Variants in C1orf21 observed in about 807,000 individuals in gnomAD.
C1orf21 encodes uncharacterized protein C1orf21.
Under a neutral mutation model 18.7 loss-of-function variants are expected in C1orf21, and 3 were observed. That is an observed-to-expected ratio of 0.16 (90% CI 0.07 to 0.42). The LOEUF (loss-of-function observed/expected upper bound fraction) is 0.42. Among genes scored for constraint, C1orf21 ranks in the 10% least tolerant of loss-of-function variants. C1orf21 has a pLI of 0.99. For missense variants in C1orf21, 104 were observed against 143.6 expected (o/e 0.72, Z 1.41); for synonymous variants, 41 against 46.4 (o/e 0.88, Z 0.47).
Position 184,557,230 on chromosome 1 carries a change from TTG to T in C1orf21, c.190-33503_190-33502del, listed in dbSNP as rs199877615. Among the ~76,000 whole-genome samples the T allele has an allele frequency of 9.6e-3, 1,465 of 152,260 alleles. 12 individuals carry two copies. The highest frequency in any genetic ancestry group is 0.017 in the Middle Eastern group (5 of 294). ...GTTTAGTTAGCCTGAGAAGCTCAAT[TTG>T]TGTGTATGTGTGTTTTTTTCTTTTT... is the stretch of plus-strand genomic sequence containing the variant. On this transcript the variant is annotated intron_variant, in intron 3 of 5. Transcript: ENST00000235307.
At chr1:184,452,131 T>C (rs1162473877) in intron 1 of C1orf21, among the ~76,000 whole-genome samples, 6 of 152,296 alleles carry the variant, frequency 3.9e-5, no homozygotes, top group South Asian at 2.1e-4. Context: ...CCATGTGCAA[T>C]GTAGAAGTAT....
chr1:184,457,635 C>T lies in C1orf21; in HGVS notation c.-124-19751C>T, dbSNP rs561233709. ...TTTTCCAGACTATTCTGGGCTTTTG[C>T]ATCTGCTCCTGGCTCTTTGGTGCCT... is the stretch of plus-strand genomic sequence containing the variant. On this transcript the variant is annotated intron_variant, in intron 1 of 5. Coordinates refer to ENST00000235307, the MANE Select transcript of C1orf21 (RefSeq NM_030806.4). Among the ~76,000 whole-genome samples the T allele has an allele frequency of 8.5e-5, 13 of 152,268 alleles. No homozygotes were observed. In the South Asian group the frequency reaches 2.5e-3, roughly 29 times the overall value.
chr1:184,569,849 C>T (rs368909636), intron 3 of C1orf21, among the ~76,000 whole-genome samples: 7 of 152,204 alleles, frequency 4.6e-5, no homozygotes, highest in Non-Finnish European at 8.8e-5. Flanking sequence ...AGGAAGAGGT[C>T]ACTGTGCTGT....
intron 1 of C1orf21, among the ~76,000 whole-genome samples, chr1:184,406,101 G>C (rs1043391994): frequency 3.3e-5 from 5 of 152,260 alleles, no homozygotes; most frequent in African/African-American, 1.2e-4. Context: ...ATGATCCTCT[G>C]TGTGAAGATA....
At chr1:184,581,456 G>A (rs750382051) in intron 3 of C1orf21, among the ~76,000 whole-genome samples, 34 of 151,712 alleles carry the variant, frequency 2.2e-4, no homozygotes, top group Non-Finnish European at 4.4e-4. Flanking sequence ...TAATACTGGG[G>A]GTCATTTTTT....
chr1:184,464,372 T>G (rs1657355595), intron 1 of C1orf21, among the ~76,000 whole-genome samples: 1 of 152,218 alleles, frequency 6.6e-6, no homozygotes, highest in African/African-American at 2.4e-5. Context: ...TGGGACTTTT[T>G]GGGAAGAACA....
At chr1:184,443,320 G>A (rs189906258) in intron 1 of C1orf21, among the ~76,000 whole-genome samples, 6 of 152,234 alleles carry the variant, frequency 3.9e-5, no homozygotes, top group Non-Finnish European at 7.4e-5. Context: ...GTTTGGAACT[G>A]GGCATACAAT....
intron 1 of C1orf21, among the ~76,000 whole-genome samples, chr1:184,440,242 ATTTG>A (rs1223128835): frequency 1.3e-5 from 2 of 152,034 alleles, no homozygotes; most frequent in South Asian, 2.1e-4. Flanking sequence ...ATTTTTATGT[ATTTG>A]TTTATTTATT....
At chr1:184,520,554 CTAATGATT>C (rs1294743077) in intron 3 of C1orf21, among the ~76,000 whole-genome samples, 11 of 152,302 alleles carry the variant, frequency 7.2e-5, no homozygotes, top group Admixed American at 6.5e-4. Context: ...GAATCTCATT[CTAATGATT>C]CACAGCGATG....
At chr1:184,558,191 T>C (rs1658906338) in intron 3 of C1orf21, among the ~76,000 whole-genome samples, 1 of 152,222 alleles carries the variant, frequency 6.6e-6, no homozygotes. Context: ...AGAAGTCACC[T>C]TAGCTTTCTG....
chr1:184,544,643 A>G (rs563101711), intron 3 of C1orf21, among the ~76,000 whole-genome samples: 5 of 152,350 alleles, frequency 3.3e-5, no homozygotes, highest in African/African-American at 1.2e-4. Context: ...TTAGTTACCC[A>G]GTACTACATT....
chr1:184,495,145 G>A (rs1046709998), intron 2 of C1orf21, among the ~76,000 whole-genome samples: 2 of 152,190 alleles, frequency 1.3e-5, no homozygotes, highest in East Asian at 1.9e-4. Flanking sequence ...CAGGGTGCCC[G>A]AAGAGGCAAG....
intron 1 of C1orf21, among the ~76,000 whole-genome samples, chr1:184,405,022 A>G (rs1656222761): frequency 6.6e-6 from 1 of 152,138 alleles, no homozygotes; most frequent in Admixed American, 6.5e-5. Context: ...TTCTCCTTGC[A>G]TTAAAATTTT....
rs1393394096 is a variant in C1orf21 at position 184,628,473 on chromosome 1, G to C, written c.*8917G>C. ...CCCCACTTTGAACACCCTTGCTTTA[G>C]TGCAAATCAGCACGCCTAAATAGCA... On this transcript the variant is annotated 3_prime_UTR_variant, in exon 6 of 6. Coordinates refer to ENST00000235307, the MANE Select transcript of C1orf21 (RefSeq NM_030806.4). 2 of 152,204 alleles carry C rather than the reference G, an allele frequency of 1.3e-5. No individual in the cohort carries two copies. Among genetic ancestry groups the C allele is most frequent in the African/African-American group, 4.8e-5 (2 of 41,438 alleles). 9.4% of individuals were successfully genotyped at this position (152,204 alleles called of 1,614,324 possible).
chr1:184,578,123 A>AT (rs1440996366), intron 3 of C1orf21, among the ~76,000 whole-genome samples: 3 of 150,894 alleles, frequency 2.0e-5, no homozygotes, highest in South Asian at 2.1e-4. Flanking sequence ...TGCCTGGCTA[A>AT]TTTTTTTTAT....
intron 1 of C1orf21, among the ~76,000 whole-genome samples, chr1:184,460,239 C>G (rs1420519989): frequency 6.6e-6 from 1 of 152,132 alleles, no homozygotes; most frequent in Admixed American, 6.5e-5. Context: ...AGGAGGAAAG[C>G]CATTCAGTAA....
intron 5 of C1orf21, among the ~76,000 whole-genome samples, chr1:184,604,050 G>T (rs1236839181): frequency 2.6e-5 from 4 of 152,162 alleles, no homozygotes; most frequent in African/African-American, 4.8e-5. Context: ...ATCAGAAGAC[G>T]TTTGCTTTTC....
chr1:184,475,666 C>T (rs1179047385), intron 1 of C1orf21, among the ~76,000 whole-genome samples: 1 of 151,286 alleles, frequency 6.6e-6, no homozygotes, highest in Non-Finnish European at 1.5e-5. Context: ...CTCTATACAC[C>T]AGTATGAATA....
intron 3 of C1orf21, among the ~76,000 whole-genome samples, chr1:184,578,789 G>T (rs1211527179): frequency 1.3e-5 from 2 of 152,008 alleles, no homozygotes; most frequent in Non-Finnish European, 2.9e-5. Context: ...TAGCATTATG[G>T]TAGTTATTAA....
Sources: gnomAD v4.1 joint callset for allele counts (sites outside exome capture counted in the v4.1 genomes callset) on GRCh38, gnomAD v4.1.1 for gene constraint, MANE v1.5 for transcripts, NCBI Gene and HGNC (gene_info 2026-07-23, HGNC 2026-07-21) for gene names.